ADAMTS14: variants seen among roughly 807,000 people sequenced by gnomAD.
The protein encoded by ADAMTS14 is A disintegrin and metalloproteinase with thrombospondin motifs 14.
Under a neutral mutation model 128.6 loss-of-function variants are expected in ADAMTS14, and 100 were observed. The ratio of observed to expected loss-of-function variants is 0.78; its 90% CI spans 0.66 to 0.92. The LOEUF (loss-of-function observed/expected upper bound fraction) is 0.92, where lower values mean the gene tolerates loss of function less well. Among genes scored for constraint, ADAMTS14 ranks in the 40% least tolerant of loss-of-function variants. ADAMTS14 has a pLI of 0.00. For missense variants in ADAMTS14, 1,562 were observed against 1,658.6 expected (o/e 0.94, Z 1.01); for synonymous variants, 665 against 653.8 (o/e 1.02, Z -0.26).
intron 5 of ADAMTS14, 141 bp from the exon 6 acceptor site, chr10:70,729,960 TG>T: frequency 1.1e-6 from 1 of 945,048 alleles, no homozygotes; most frequent in Non-Finnish European, 1.5e-6. Context: ...AGCAGTTGAG[TG>T]GGGACAGCTG....
chr10:70,674,882 CAGG>C lies in ADAMTS14; in HGVS notation c.414_416del (p.Glu138del), dbSNP rs1480350771. ...AGTGCCAGGATCCTCAGTGGAGTGG[CAGG>C]AGGATTTTCGGGAGCTGTTCCGGCA... On this transcript the variant is annotated inframe_deletion, in exon 2 of 22. Transcript: ENST00000373207. 1.2e-6 allele frequency: 2 copies of C among 1,613,718 alleles called. No individual in the cohort carries two copies. Among genetic ancestry groups the C allele is most frequent in the Non-Finnish European group, 8.5e-7 (1 of 1,180,038 alleles).
Position 70,760,520 on chromosome 10 carries a change from C to A in ADAMTS14, c.3339C>A (p.Pro1113=), listed in dbSNP as rs773157857. The stretch of plus-strand genomic sequence containing the variant: ...ACCCTGGCCCAACCTCACTGCCCCC[C>A]TTCTCCACTCCTGGAAGCCCCTTAC... The part of the protein sequence containing the change: ...GPDPGPTSLP[P]FSTPGSPLPG... Residue 1113 remains proline, a synonymous_variant, in exon 22 of 22, where the codon CCC becomes CCA. Transcript: ENST00000373207. The A allele has an allele frequency of 6.2e-7, 1 of 1,613,646 alleles. No homozygotes were observed. Among genetic ancestry groups the A allele is most frequent in the Admixed American group, 1.7e-5 (1 of 59,956 alleles).
At chr10:70,688,156 C>T (rs200747816) in intron 2 of ADAMTS14, among the ~76,000 whole-genome samples, 19 of 46,302 alleles carry the variant, frequency 4.1e-4, no homozygotes, top group Non-Finnish European at 5.6e-4. Context: ...TCAGATGGGG[C>T]GGCCGGGCAG....
intron 13 of ADAMTS14, 150 bp downstream of exon 13, chr10:70,743,831 G>C: frequency 7.7e-7 from 1 of 1,300,744 alleles, no homozygotes; most frequent in South Asian, 1.6e-5. Context: ...GTGCTGGAAG[G>C]GGCTAATTAT....
chr10:70,744,199 G>A lies in ADAMTS14; in HGVS notation c.2182+10G>A. 1 of 1,511,584 alleles carries A rather than the reference G, an allele frequency of 6.6e-7. No individual in the cohort carries two copies. Among genetic ancestry groups the A allele is most frequent in the South Asian group, 1.3e-5 (1 of 78,546 alleles). 93.6% of individuals were successfully genotyped at this position (1,511,584 alleles called of 1,614,324 possible). A position where few individuals can be genotyped will look rare whatever the true frequency, so the allele number is the denominator to read the frequency against. On this transcript the variant is annotated intron_variant, in intron 14 of 21. Coordinates refer to ENST00000373207, the MANE Select transcript of ADAMTS14 (RefSeq NM_080722.4). Reference sequence around the variant, plus strand: ...GCCTCCAAGCAGGCAGGTGAGCCGGGCTGGGGCTGGGGGGATGACGAGGGC... The same window carrying A: ...GCCTCCAAGCAGGCAGGTGAGCCGGACTGGGGCTGGGGGGATGACGAGGGC...
At chr10:70,678,378 G>C (rs921760217) in intron 2 of ADAMTS14, among the ~76,000 whole-genome samples, 2 of 151,942 alleles carry the variant, frequency 1.3e-5, no homozygotes, top group African/African-American at 2.4e-5. Context: ...GAACACAGTG[G>C]GGATGGGTGC....
chr10:70,711,679 T>G (rs895295061), intron 4 of ADAMTS14, among the ~76,000 whole-genome samples: 9 of 152,248 alleles, frequency 5.9e-5, no homozygotes, highest in Admixed American at 1.3e-4. Flanking sequence ...TCGCCTGAGT[T>G]TGGGAAAGTG....
intron 4 of ADAMTS14, among the ~76,000 whole-genome samples, chr10:70,714,313 A>G (rs1469626638): frequency 6.6e-6 from 1 of 152,218 alleles, no homozygotes; most frequent in Non-Finnish European, 1.5e-5. Context: ...TAACCCTGTG[A>G]GAGGTCTGAG....
At chr10:70,688,222 C>A (rs1353204637) in intron 2 of ADAMTS14, among the ~76,000 whole-genome samples, 1 of 50,414 alleles carries the variant, frequency 2.0e-5, no homozygotes, top group African/African-American at 8.1e-5. Context: ...CTCCTCACAT[C>A]CCAGATGGGG....
At chr10:70,689,156 G>T (rs1269969577) in intron 2 of ADAMTS14, among the ~76,000 whole-genome samples, 1 of 142,954 alleles carries the variant, frequency 7.0e-6, no homozygotes, top group Non-Finnish European at 1.6e-5. Flanking sequence ...CATAGTCCCC[G>T]CGTAGGGAGA....
chr10:70,708,117 A>C (rs1217227644), intron 3 of ADAMTS14, among the ~76,000 whole-genome samples: 1 of 152,172 alleles, frequency 6.6e-6, no homozygotes, highest in East Asian at 1.9e-4. Flanking sequence ...TGCTCACAGG[A>C]GTATCCCGGA....
rs1458401273 is a variant in ADAMTS14, at chr10:70,760,689, A to G, written c.3508A>G (p.Thr1170Ala). ...GACCCAGCATCCCTTTGCCCCTGAG[A>G]CACCAATCCCTGGAGCATCCTGGAG... ...PGTQHPFAPE[T>A]PIPGASWSIS... Residue 1170 changes from threonine (T) to alanine (A), a missense_variant, in exon 22 of 22, where the codon ACA becomes GCA. By Grantham distance (58) the Thr-to-Ala change is moderately conservative (BLOSUM62 0). Coordinates refer to ENST00000373207, the MANE Select transcript of ADAMTS14 (RefSeq NM_080722.4). 3 of 1,613,990 alleles carry G rather than the reference A, an allele frequency of 1.9e-6. No homozygotes were observed. The highest frequency in any genetic ancestry group is 2.5e-6 in the Non-Finnish European group (3 of 1,180,018).
In ADAMTS14 at chr10:70,690,689, G is replaced by A. The variant is rs1046380183; in HGVS notation, c.523-11623G>A. 5.5e-5 allele frequency among the ~76,000 whole-genome samples: 8 copies of A among 145,112 alleles called. 1 individual carries two copies. Among genetic ancestry groups the A allele is most frequent in the African/African-American group, 2.0e-4 (8 of 40,968 alleles). On this transcript the variant is annotated intron_variant, in intron 2 of 21. Transcript: ENST00000373207. ...AGGCCTGGCTGGGACAGTGACCTGT[G>A]GGGCCCTCTCTTGGGCCTGTTCTCC...
chr10:70,688,139 T>C (rs1215066647), intron 2 of ADAMTS14, among the ~76,000 whole-genome samples: 1 of 46,356 alleles, frequency 2.2e-5, no homozygotes, highest in Non-Finnish European at 4.4e-5. Flanking sequence ...GAGGGTCTCC[T>C]CACTTCTCAG....
At chr10:70,695,443 G>A (rs1235377746) in intron 2 of ADAMTS14, among the ~76,000 whole-genome samples, 1 of 152,088 alleles carries the variant, frequency 6.6e-6, no homozygotes, top group Middle Eastern at 3.2e-3. Flanking sequence ...TGAGGGGTGG[G>A]GCTGCCTCTC....
chr10:70,744,069 G>C lies in ADAMTS14; in HGVS notation c.2062G>C (p.Val688Leu). The C allele has an allele frequency of 1.3e-6, 2 of 1,562,328 alleles. No individual in the cohort carries two copies. Among genetic ancestry groups the C allele is most frequent in the East Asian group, 2.4e-5 (1 of 41,652 alleles). The change falls in exon 14 of 22, where the codon GTC (valine) becomes CTC (leucine). Residue 688 changes from valine to leucine, a missense_variant. Physicochemically the swap from Val to Leu is conservative, Grantham distance 32 (BLOSUM62 1). Transcript: ENST00000373207. The stretch of plus-strand genomic sequence containing the variant: ...CTGACCTCACCTCTGGCCTCAGCCT[G>C]TCGGCTGTGACAAGGAGGTGGGGTC... ...SVCARGECVP[V>L]GCDKEVGSMK...
intron 2 of ADAMTS14, among the ~76,000 whole-genome samples, chr10:70,681,298 T>C (rs1013645191): frequency 1.3e-5 from 2 of 151,838 alleles, no homozygotes; most frequent in Non-Finnish European, 2.9e-5. Context: ...TTGGGCTGGG[T>C]TTTAAAGGAT....
chr10:70,692,320 G>T (rs1056635842), intron 2 of ADAMTS14, among the ~76,000 whole-genome samples: 5 of 152,150 alleles, frequency 3.3e-5, no homozygotes, highest in Non-Finnish European at 5.9e-5. Flanking sequence ...CCGGCTCCAG[G>T]AGGGCCATTT....
intron 10 of ADAMTS14, among the ~76,000 whole-genome samples, chr10:70,738,514 C>T (rs1415241947): frequency 1.3e-5 from 2 of 152,214 alleles, no homozygotes; most frequent in African/African-American, 2.4e-5. Context: ...TGTGTCTTCT[C>T]TCCCCTATCA....
Sources: allele counts gnomAD v4.1 joint callset (sites outside exome capture counted in the v4.1 genomes callset), GRCh38; gene constraint gnomAD v4.1.1; transcripts MANE v1.5; gene names NCBI Gene and HGNC (gene_info 2026-07-23, HGNC 2026-07-21).